Variants in ADGRB3 observed in about 807,000 individuals in gnomAD.
ADGRB3 encodes the protein adhesion G protein-coupled receptor B3, also known as brain-specific angiogenesis inhibitor 3.
A neutral mutation model predicts 193.4 loss-of-function variants in ADGRB3; 37 were observed. That is an observed-to-expected ratio of 0.19 (90% CI 0.15 to 0.25). The LOEUF (loss-of-function observed/expected upper bound fraction) is 0.25. Ranked by LOEUF, ADGRB3 falls within the 10% of genes least tolerant of loss-of-function variation. The probability of loss-of-function intolerance (pLI) is 1.00; values close to 1 mark genes in which losing one functional copy is unlikely to be tolerated. For synonymous variants in ADGRB3, 690 were observed against 644.2 expected, an observed-to-expected ratio of 1.07 and a Z score of -1.08; for missense variants, 1,637 against 1,852.9, an observed-to-expected ratio of 0.88 and a Z score of 2.14.
intron 11 of ADGRB3, among the ~76,000 whole-genome samples, chr6:69,000,407 A>C (rs1424655162): frequency 2.0e-5 from 3 of 152,220 alleles, no homozygotes; most frequent in Non-Finnish European, 4.4e-5. Context: ...ACCTTATTTA[A>C]TGTATGTTGT....
intron 3 of ADGRB3, among the ~76,000 whole-genome samples, chr6:68,811,326 C>G (rs1489973880): frequency 2.6e-5 from 4 of 152,018 alleles, no homozygotes; most frequent in Admixed American, 2.0e-4. Context: ...CATATTCAAA[C>G]AAACAAAAGT....
intron 17 of ADGRB3, among the ~76,000 whole-genome samples, chr6:69,109,017 A>G (rs1246087853): frequency 1.3e-5 from 2 of 152,208 alleles, no homozygotes; most frequent in Non-Finnish European, 2.9e-5. Flanking sequence ...AACTGGTCAT[A>G]TCAAAGAGCT....
chr6:69,058,708 T>G (rs1771622588), intron 15 of ADGRB3, among the ~76,000 whole-genome samples: 1 of 152,144 alleles, frequency 6.6e-6, no homozygotes, highest in Non-Finnish European at 1.5e-5. Context: ...GATCCGCTGG[T>G]TGTTCAAAAG....
At chr6:69,130,854 T>C (rs899985895) in intron 17 of ADGRB3, among the ~76,000 whole-genome samples, 1 of 152,120 alleles carries the variant, frequency 6.6e-6, no homozygotes, top group Non-Finnish European at 1.5e-5. Context: ...ATTTGAAAGA[T>C]ATATCCTTTA....
At chr6:69,272,306 G>C (rs1012630171) in intron 20 of ADGRB3, among the ~76,000 whole-genome samples, 1 of 152,196 alleles carries the variant, frequency 6.6e-6, no homozygotes, top group Non-Finnish European at 1.5e-5. Flanking sequence ...CCCTGGAGGA[G>C]ATGGGCAGGT....
intron 17 of ADGRB3, among the ~76,000 whole-genome samples, chr6:69,132,088 C>T (rs980145503): frequency 1.3e-5 from 2 of 152,096 alleles, no homozygotes; most frequent in Non-Finnish European, 2.9e-5. Flanking sequence ...AATAAACATA[C>T]GAGTGTATGT....
chr6:69,085,146 C>T (rs984256199), intron 17 of ADGRB3, among the ~76,000 whole-genome samples: 1 of 152,134 alleles, frequency 6.6e-6, no homozygotes, highest in South Asian at 2.1e-4. Flanking sequence ...AGGAAGCTCT[C>T]ATCAGTGTCT....
At chr6:69,133,007 C>T (rs1468815328) in intron 17 of ADGRB3, among the ~76,000 whole-genome samples, 1 of 152,102 alleles carries the variant, frequency 6.6e-6, no homozygotes, top group Non-Finnish European at 1.5e-5. Context: ...GTACCAGTAC[C>T]ATGCTGTTTT....
intron 5 of ADGRB3, 106 bp from the exon 6 acceptor site, chr6:68,943,724 C>A: frequency 3.3e-6 from 3 of 910,452 alleles, no homozygotes; most frequent in Admixed American, 2.7e-5. Flanking sequence ...TTTAACATAT[C>A]TTTACATTTG....
chr6:69,065,743 C>A (rs1297820752), intron 16 of ADGRB3, among the ~76,000 whole-genome samples: 1 of 127,902 alleles, frequency 7.8e-6, no homozygotes, highest in East Asian at 3.3e-4. Flanking sequence ...TTAGAACAAG[C>A]CTGAACTTCA....
chr6:68,877,673 C>T (rs1467655550), intron 3 of ADGRB3, among the ~76,000 whole-genome samples: 1 of 152,026 alleles, frequency 6.6e-6, no homozygotes. Flanking sequence ...AAGACATTAT[C>T]TTTCTTCTTG....
At chr6:68,895,894 CTG>C (rs1205283455) in intron 3 of ADGRB3, among the ~76,000 whole-genome samples, 1 of 151,640 alleles carries the variant, frequency 6.6e-6, no homozygotes, top group East Asian at 1.9e-4. Flanking sequence ...AAAGTATTAA[CTG>C]TTAAAAACAA....
intron 20 of ADGRB3, among the ~76,000 whole-genome samples, chr6:69,307,452 C>T (rs1256614000): frequency 1.3e-5 from 2 of 151,470 alleles, no homozygotes; most frequent in East Asian, 2.0e-4. Flanking sequence ...AATATTGGTA[C>T]ATTTTGAGTT....
At chr6:69,208,001 A>G (rs1228801468) in intron 17 of ADGRB3, among the ~76,000 whole-genome samples, 1 of 152,206 alleles carries the variant, frequency 6.6e-6, no homozygotes, top group African/African-American at 2.4e-5. Context: ...TCACCCAAGG[A>G]ATGATGCCAT....
At chr6:68,954,683 C>CT (rs146229021) in intron 6 of ADGRB3, among the ~76,000 whole-genome samples, 33,442 of 140,604 alleles carry the variant, frequency 0.24, 4,109 homozygotes, top group South Asian at 0.37. Context: ...CGTTCAATGG[C>CT]TTTTTTTTTT....
intron 17 of ADGRB3, among the ~76,000 whole-genome samples, chr6:69,195,467 A>G (rs60652639): frequency 0.14 from 21,555 of 150,812 alleles, 1,587 homozygotes; most frequent in Middle Eastern, 0.17. Flanking sequence ...GGAGGCTGCA[A>G]TAATCATGAT....
chr6:69,247,788 G>T (rs1002823736), intron 20 of ADGRB3, among the ~76,000 whole-genome samples: 7 of 152,080 alleles, frequency 4.6e-5, no homozygotes, highest in African/African-American at 7.2e-5. Context: ...TTGAATGAAT[G>T]AATGAACTTA....
chr6:69,264,911 A>G (rs1195712470), intron 20 of ADGRB3, among the ~76,000 whole-genome samples: 1 of 151,966 alleles, frequency 6.6e-6, no homozygotes, highest in Non-Finnish European at 1.5e-5. Flanking sequence ...TTCAAGAAAT[A>G]TAGTCCCATT....
intron 6 of ADGRB3, among the ~76,000 whole-genome samples, chr6:68,953,681 A>G (rs938326438): frequency 3.3e-5 from 5 of 152,212 alleles, no homozygotes; most frequent in African/African-American, 1.2e-4. Context: ...CTAAAATTAC[A>G]TTAATGGAAT....
Sources: gnomAD v4.1 joint callset for allele counts (sites outside exome capture counted in the v4.1 genomes callset) on GRCh38, gnomAD v4.1.1 for gene constraint, MANE v1.5 for transcripts, NCBI Gene and HGNC (gene_info 2026-07-23, HGNC 2026-07-21) for gene names.